Variants in PIAS1 observed in about 807,000 individuals in gnomAD.
PIAS1 encodes the protein E3 SUMO-protein ligase PIAS1.
In PIAS1, 6 loss-of-function variants were observed where a neutral mutation model predicts 71.3. That is an observed-to-expected ratio of 0.08 (90% confidence interval 0.05 to 0.17). PIAS1 has a LOEUF of 0.17. Ranked by LOEUF, PIAS1 falls within the 10% of genes least tolerant of loss-of-function variation. The probability of loss-of-function intolerance (pLI) is 1.00; values close to 1 mark genes in which losing one functional copy is unlikely to be tolerated. For synonymous variants in PIAS1, 303 were observed against 292.9 expected, an observed-to-expected ratio of 1.03 and a Z score of -0.35; for missense variants, 555 against 793.6, an observed-to-expected ratio of 0.70 and a Z score of 3.61.
At position 68,075,863 on chromosome 15, in the gene PIAS1, C is replaced by A. The variant is rs562917367; in HGVS notation, c.25-10443C>A. Among the ~76,000 whole-genome samples the A allele has an allele frequency of 1.7e-4, 25 of 149,832 alleles. No homozygotes were observed. The South Asian group carries it at 3.0e-3, about 18-fold the overall frequency. The stretch of plus-strand genomic sequence containing the variant: ...ATGATGCGATCTTGGCTCACTACAA[C>A]CTCGGCCCCCCGGGGTTCAAGTGCT... On this transcript the variant is annotated intron_variant, in intron 1 of 13. Transcript: ENST00000249636.
At chr15:68,123,082 C>T (rs1268463041) in intron 2 of PIAS1, among the ~76,000 whole-genome samples, 2 of 151,506 alleles carry the variant, frequency 1.3e-5, no homozygotes, top group East Asian at 1.9e-4. Context: ...GAGAAGGTCT[C>T]ATTCTGTCTC....
intron 2 of PIAS1, among the ~76,000 whole-genome samples, chr15:68,134,493 G>A (rs1357112944): frequency 6.5e-5 from 3 of 45,894 alleles, no homozygotes; most frequent in Admixed American, 1.8e-4. Flanking sequence ...GCGGGGGGCT[G>A]ACCCCCCCCA....
intron 7 of PIAS1, among the ~76,000 whole-genome samples, chr15:68,164,200 A>G (rs1259108767): frequency 2.6e-5 from 4 of 152,174 alleles, no homozygotes; most frequent in African/African-American, 9.7e-5. Context: ...ATTAAAATTC[A>G]AATAATTGTA....
At chr15:68,110,079 C>T (rs970816822) in intron 2 of PIAS1, among the ~76,000 whole-genome samples, 5 of 152,156 alleles carry the variant, frequency 3.3e-5, no homozygotes, top group Non-Finnish European at 7.3e-5. Flanking sequence ...ATTCTTTGAA[C>T]ATGAAACCGT....
chr15:68,183,565 T>C, intron 12 of PIAS1, 65 bp from the exon 13 acceptor site: 1 of 684,188 alleles, frequency 1.5e-6, no homozygotes, highest in South Asian at 1.6e-5. Context: ...TTTTGAAGTA[T>C]TGGGGCATTT....
At chr15:68,092,474 A>G (rs886362568) in intron 2 of PIAS1, among the ~76,000 whole-genome samples, 6 of 152,188 alleles carry the variant, frequency 3.9e-5, no homozygotes, top group African/African-American at 1.4e-4. Context: ...CACCCAGCTG[A>G]CTATGAGTGT....
At chr15:68,136,862 A>G (rs530463061) in intron 2 of PIAS1, among the ~76,000 whole-genome samples, 8 of 152,240 alleles carry the variant, frequency 5.3e-5, no homozygotes, top group Non-Finnish European at 8.8e-5. Flanking sequence ...GGGTTTTAAT[A>G]TTCTTGTATA....
chr15:68,062,191 C>A (rs565145525), intron 1 of PIAS1, among the ~76,000 whole-genome samples: 123 of 152,234 alleles, frequency 8.1e-4, no homozygotes, highest in African/African-American at 2.7e-3. Context: ...TTACCTTTTA[C>A]ATTATTTTAA....
In PIAS1 at chr15:68,183,665, C is replaced by A. The variant is rs867766517; in HGVS notation, c.1660C>A (p.Gln554Lys). 1 of 1,068,292 alleles carries A rather than the reference C, an allele frequency of 9.4e-7. No homozygotes were observed. Among genetic ancestry groups the A allele is most frequent in the African/African-American group, 1.6e-5 (1 of 63,374 alleles). The allele number at this position is 1,068,292 out of a possible 1,614,324, so 66.2% of individuals were successfully genotyped here. A position where few individuals can be genotyped will look rare whatever the true frequency, so the allele number is the denominator to read the frequency against. ...DFFPFLSGDNQHYNTSLLAAA... is the reference protein window; with the variant it reads ...DFFPFLSGDNKHYNTSLLAAA... ...CTTTCCTTTCTTATCAGGAGACAAT[C>A]AGGTATGTTATGAAAAATTTACTAT... Residue 554 changes from glutamine (Q) to lysine (K), a missense_variant and splice_region_variant, in exon 13 of 14, where the codon CAG (glutamine) becomes AAG (lysine). Physicochemically the swap from Gln to Lys is moderately conservative, Grantham distance 53. Transcript: ENST00000249636.
intron 2 of PIAS1, among the ~76,000 whole-genome samples, chr15:68,129,726 TTGAAA>T (rs2092675980): frequency 6.6e-6 from 1 of 151,856 alleles, no homozygotes; most frequent in Non-Finnish European, 1.5e-5. Context: ...TATGTATATG[TTGAAA>T]TGAAAACATG....
chr15:68,063,597 T>A (rs181655389), intron 1 of PIAS1, among the ~76,000 whole-genome samples: 2 of 152,212 alleles, frequency 1.3e-5, no homozygotes, highest in South Asian at 4.1e-4. Context: ...TTATCACATA[T>A]GTGTGTATAT....
chr15:68,129,244 T>A (rs1331716936), intron 2 of PIAS1, among the ~76,000 whole-genome samples: 1 of 152,004 alleles, frequency 6.6e-6, no homozygotes, highest in African/African-American at 2.4e-5. Flanking sequence ...TTAAAGTTAT[T>A]TTTTGTAGAG....
At chr15:68,159,097 A>C (rs2092908692) in intron 7 of PIAS1, among the ~76,000 whole-genome samples, 1 of 152,220 alleles carries the variant, frequency 6.6e-6, no homozygotes, top group Admixed American at 6.5e-5. Context: ...ACTAGCTGTA[A>C]CTTTATTATA....
In PIAS1 at chr15:68,085,770, AG is replaced by A. The variant is rs144918512; in HGVS notation, c.25-534del. 5.9e-3 allele frequency among the ~76,000 whole-genome samples: 901 copies of A among 152,360 alleles called. 9 individuals are homozygous for A. Among genetic ancestry groups the A allele is most frequent in the South Asian group, 0.022 (108 of 4,834 alleles). On this transcript the variant is annotated intron_variant, in intron 1 of 13. Transcript: ENST00000249636. The stretch of plus-strand genomic sequence containing the variant: ...TATCTGATATATAATTGGTCAAAAA[AG>A]GTGTAACTTAAGTCTACAAATTCCA...
chr15:68,140,266 A>G (rs1324968024), intron 2 of PIAS1, among the ~76,000 whole-genome samples: 1 of 152,226 alleles, frequency 6.6e-6, no homozygotes, highest in African/African-American at 2.4e-5. Context: ...AATTTTGCCT[A>G]GAGAGTAATA....
rs2092800380 is a variant in PIAS1, at chr15:68,145,258, A to G, written c.603-558A>G. Among the ~76,000 whole-genome samples, 4 of 152,302 alleles carry G rather than the reference A, an allele frequency of 2.6e-5. No individual in the cohort carries two copies. In the South Asian group the frequency reaches 8.3e-4, roughly 32 times the overall value. ...CAATATCTTCAGTTCTCAAAAAATA[A>G]GGAGTACTTTGGCTTACTGATCCTG... On this transcript the variant is annotated intron_variant, in intron 4 of 13. Coordinates refer to ENST00000249636, the MANE Select transcript of PIAS1 (RefSeq NM_016166.3).
intron 7 of PIAS1, among the ~76,000 whole-genome samples, chr15:68,159,269 CT>C (rs2092909861): frequency 6.6e-6 from 1 of 152,018 alleles, no homozygotes; most frequent in Non-Finnish European, 1.5e-5. Flanking sequence ...AGTGCTTCTA[CT>C]TTTACTTTAT....
At chr15:68,089,530 C>A (rs73423748) in intron 2 of PIAS1, among the ~76,000 whole-genome samples, 1 of 152,076 alleles carries the variant, frequency 6.6e-6, no homozygotes, top group African/African-American at 2.4e-5. Flanking sequence ...TTTCACTTTC[C>A]CTGCATGCTC....
intron 8 of PIAS1, among the ~76,000 whole-genome samples, chr15:68,169,292 A>G (rs1172315309): frequency 6.6e-6 from 1 of 152,254 alleles, no homozygotes; most frequent in Non-Finnish European, 1.5e-5. Flanking sequence ...GAACTAATGC[A>G]ACATGGTATC....
Sources: allele counts gnomAD v4.1 joint callset (sites outside exome capture counted in the v4.1 genomes callset), GRCh38; gene constraint gnomAD v4.1.1; transcripts MANE v1.5; gene names NCBI Gene and HGNC (gene_info 2026-07-23, HGNC 2026-07-21).